SPAG1: variants seen among roughly 807,000 people sequenced by gnomAD.
SPAG1 encodes the protein sperm-associated antigen 1.
Under a neutral mutation model 100.5 loss-of-function variants are expected in SPAG1, and 69 were observed. The ratio of observed to expected loss-of-function variants is 0.69; its 90% CI spans 0.57 to 0.84. The LOEUF (loss-of-function observed/expected upper bound fraction) is 0.84, where lower values mean the gene tolerates loss of function less well. SPAG1 is among the 40% of genes least tolerant of loss of function. SPAG1 has a pLI of 0.00. For synonymous variants in SPAG1, 336 were observed against 411.6 expected, an observed-to-expected ratio of 0.82 and a Z score of 2.22; for missense variants, 955 against 1,133.1, an observed-to-expected ratio of 0.84 and a Z score of 2.26.
At chr8:100,206,594 T>C (rs975090788) in intron 10 of SPAG1, among the ~76,000 whole-genome samples, 3 of 152,130 alleles carry the variant, frequency 2.0e-5, no homozygotes, top group Non-Finnish European at 4.4e-5. Context: ...CTCAGTAAAA[T>C]TTCCTGGGTT....
At chr8:100,198,374 AG>A (rs1817123861) in intron 10 of SPAG1, among the ~76,000 whole-genome samples, 1 of 152,216 alleles carries the variant, frequency 6.6e-6, no homozygotes, top group African/African-American at 2.4e-5. Flanking sequence ...ATGACAAACT[AG>A]GAAAGATGGC....
At position 100,187,676 on chromosome 8, in the gene SPAG1, A is replaced by C. The variant is rs989929029; in HGVS notation, c.832+426A>C. Among the ~76,000 whole-genome samples, 12 of 151,902 alleles carry C rather than the reference A, an allele frequency of 7.9e-5. No individual in the cohort carries two copies. The East Asian group carries it at 1.3e-3, about 17-fold the overall frequency. On this transcript the variant is annotated intron_variant, in intron 8 of 18. Transcript: ENST00000388798. ...CAAAACTCTGTGTCTCAAAAAAAAA[A>C]CTCAAGCTTGCATTTGAACATTCTT...
Position 100,191,376 on chromosome 8 carries a change from T to G in SPAG1, c.833-14T>G. On this transcript the variant is annotated splice_polypyrimidine_tract_variant and intron_variant, in intron 8 of 18. Coordinates refer to ENST00000388798, the MANE Select transcript of SPAG1 (RefSeq NM_003114.5). ...ATATTAAAAAACATAACTTTTATAT[T>G]GGTAAATTTTCAGCTCTTCTGCGTC... 6.4e-7 allele frequency: 1 copy of G among 1,571,488 alleles called. No homozygotes were observed. Among genetic ancestry groups the G allele is most frequent in the Admixed American group, 1.7e-5 (1 of 57,354 alleles).
intron 13 of SPAG1, among the ~76,000 whole-genome samples, chr8:100,224,782 G>A (rs980103576): frequency 4.6e-5 from 7 of 152,056 alleles, no homozygotes; most frequent in Non-Finnish European, 8.8e-5. Flanking sequence ...AAATACTTCT[G>A]ATCATTCTCA....
intron 12 of SPAG1, among the ~76,000 whole-genome samples, chr8:100,217,740 C>G (rs1818070631): frequency 6.6e-6 from 1 of 152,144 alleles, no homozygotes; most frequent in Non-Finnish European, 1.5e-5. Flanking sequence ...AGACTAAATA[C>G]AAATGAATGT....
intron 10 of SPAG1, among the ~76,000 whole-genome samples, chr8:100,201,631 T>C (rs1352218254): frequency 1.3e-5 from 2 of 152,208 alleles, no homozygotes; most frequent in Non-Finnish European, 2.9e-5. Context: ...ACTTTTGTCA[T>C]AATGCTGGCT....
chr8:100,198,500 A>G (rs1331203190), intron 10 of SPAG1, among the ~76,000 whole-genome samples: 1 of 152,230 alleles, frequency 6.6e-6, no homozygotes, highest in Non-Finnish European at 1.5e-5. Flanking sequence ...AAGAAATAGA[A>G]ATGATCAGTA....
intron 2 of SPAG1, among the ~76,000 whole-genome samples, chr8:100,164,589 T>C (rs1033442911): frequency 6.6e-6 from 1 of 152,132 alleles, no homozygotes; most frequent in East Asian, 1.9e-4. Flanking sequence ...CACGCCCGGC[T>C]AATTTTTGTA....
At position 100,239,759 on chromosome 8, in the gene SPAG1, C is replaced by A. The variant is rs776629143; in HGVS notation, c.2280+355C>A. ...ACGGGACTGATTTTGTTACAGGGGC[C>A]CTGAAAGCCTCACCTCATAGAGATT... On this transcript the variant is annotated intron_variant, in intron 17 of 18. Coordinates refer to ENST00000388798, the MANE Select transcript of SPAG1 (RefSeq NM_003114.5). This position sits in a 1 kb window ranked among gnomAD's most constrained non-coding sequence, Gnocchi z 5.0. Among the ~76,000 whole-genome samples, 30 of 152,276 alleles carry A rather than the reference C, an allele frequency of 2.0e-4. No individual in the cohort carries two copies. The highest frequency in any genetic ancestry group is 2.8e-4 in the Non-Finnish European group (19 of 68,028).
At position 100,177,812 on chromosome 8, in the gene SPAG1, T is replaced by C; in HGVS notation, c.301-4T>C. The C allele has an allele frequency of 6.8e-7, 1 of 1,468,724 alleles. No homozygotes were observed. Among genetic ancestry groups the C allele is most frequent in the Non-Finnish European group, 9.5e-7 (1 of 1,053,632 alleles). The allele number at this position is 1,468,724 out of a possible 1,614,324, so 91.0% of individuals were successfully genotyped here. On this transcript the variant is annotated splice_polypyrimidine_tract_variant and splice_region_variant and intron_variant, in intron 3 of 18. Coordinates refer to ENST00000388798, the MANE Select transcript of SPAG1 (RefSeq NM_003114.5). ...TATATATTTACCCTTTTCTCTATTCTCAGAGTTGGGTATCAGAAATTAAAA... is the reference window on the plus strand; with the variant it reads ...TATATATTTACCCTTTTCTCTATTCCCAGAGTTGGGTATCAGAAATTAAAA...
chr8:100,240,302 G>A (rs1819199695), intron 17 of SPAG1, 101 bp from the exon 18 acceptor site: 1 of 1,162,254 alleles, frequency 8.6e-7, no homozygotes, highest in Non-Finnish European at 1.2e-6. Flanking sequence ...CTACAGTACA[G>A]TCTACTTGTA....
At chr8:100,238,191 G>A (rs987862405) in intron 16 of SPAG1, among the ~76,000 whole-genome samples, 3 of 152,048 alleles carry the variant, frequency 2.0e-5, no homozygotes, top group Admixed American at 1.3e-4. Flanking sequence ...TTTTTCCCCC[G>A]GTAAGGTTCC....
At chr8:100,235,067 G>T (rs1377926827) in intron 16 of SPAG1, among the ~76,000 whole-genome samples, 1 of 152,158 alleles carries the variant, frequency 6.6e-6, no homozygotes, top group Non-Finnish European at 1.5e-5. Context: ...TGGGTGGCCT[G>T]AACAACAGAA....
chr8:100,203,337 A>G (rs1238466378), intron 10 of SPAG1, among the ~76,000 whole-genome samples: 3 of 152,102 alleles, frequency 2.0e-5, no homozygotes, highest in Non-Finnish European at 4.4e-5. Context: ...TTATATATAT[A>G]TATATCTCCT....
rs78652819 is a variant in SPAG1, at chr8:100,218,885, C to T, written c.1536-1394C>T. 3.6e-3 allele frequency among the ~76,000 whole-genome samples: 549 copies of T among 152,216 alleles called. 3 individuals carry two copies. The highest frequency in any genetic ancestry group is 0.012 in the African/African-American group (515 of 41,506). ...ATTTGCAGTGTTTGTATGTGTACTG[C>T]GGTAGGCAGAGTGTAGGCTTTTGAG... On this transcript the variant is annotated intron_variant, in intron 12 of 18. Coordinates refer to ENST00000388798, the MANE Select transcript of SPAG1 (RefSeq NM_003114.5).
Position 100,213,249 on chromosome 8 carries a change from C to T in SPAG1, c.1256C>T (p.Pro419Leu), listed in dbSNP as rs1446090792. 1 of 1,227,746 alleles carries T rather than the reference C, an allele frequency of 8.1e-7. No individual in the cohort carries two copies. The highest frequency in any genetic ancestry group is 1.0e-6 in the Non-Finnish European group (1 of 987,698). 76.1% of individuals were successfully genotyped at this position (1,227,746 alleles called of 1,614,324 possible). The change falls in exon 11 of 19, where the codon CCA becomes CTA. Residue 419 changes from proline (P) to leucine (L), a missense_variant. Physicochemically the swap from Pro to Leu is moderately conservative, Grantham distance 98. Transcript: ENST00000388798. ...TPEAGADKRS[P>L]RRASAAAAAG... ...GAGGCCGGCGCGGACAAGCGGAGCCCACGGCGGGCCTCTGCGGCGGCGGCG... is the reference window on the plus strand; with the variant it reads ...GAGGCCGGCGCGGACAAGCGGAGCCTACGGCGGGCCTCTGCGGCGGCGGCG...
At chr8:100,192,616 A>G (rs937224406) in intron 9 of SPAG1, among the ~76,000 whole-genome samples, 6 of 152,256 alleles carry the variant, frequency 3.9e-5, no homozygotes, top group Admixed American at 2.0e-4. Flanking sequence ...TGGGTTACCT[A>G]TCCCACTGTC....
chr8:100,202,094 G>A (rs1398038534), intron 10 of SPAG1, among the ~76,000 whole-genome samples: 1 of 152,206 alleles, frequency 6.6e-6, no homozygotes, highest in East Asian at 1.9e-4. Flanking sequence ...ACTATCTCCA[G>A]GTATATAGCA....
rs752424284 is a variant in SPAG1, at chr8:100,194,255, C to A, written c.1083C>A (p.Gly361=). 1 of 1,605,854 alleles carries A rather than the reference C, an allele frequency of 6.2e-7. No individual in the cohort carries two copies. The highest frequency in any genetic ancestry group is 8.5e-7 in the Non-Finnish European group (1 of 1,173,122). The change falls in exon 10 of 19, where the codon GGC becomes GGA. Residue 361 remains glycine, a synonymous_variant. Transcript: ENST00000388798. Reference sequence around the variant, plus strand: ...AAAGCGGAAGAAAACATGAAGATGGCGGTGGAGATAAGAGTAAAATATTTT... The same window carrying A: ...AAAGCGGAAGAAAACATGAAGATGGAGGTGGAGATAAGAGTAAAATATTTT... The part of the protein sequence containing the change: ...EGKSGRKHED[G]GGDKKPAEPA...
Sources: allele counts gnomAD v4.1 joint callset (sites outside exome capture counted in the v4.1 genomes callset), GRCh38; gene constraint gnomAD v4.1.1; non-coding constraint Gnocchi (gnomAD v3.1); transcripts MANE v1.5; gene names NCBI Gene and HGNC (gene_info 2026-07-23, HGNC 2026-07-21).